CLMP: variants seen among roughly 807,000 people sequenced by gnomAD.
CLMP encodes the protein CXADR-like membrane protein.
CLMP carries 27 observed loss-of-function variants against 45.2 expected under a neutral mutation model. That is an observed-to-expected ratio of 0.60 (90% confidence interval 0.44 to 0.82). CLMP has a LOEUF of 0.82. CLMP is among the 40% of genes least tolerant of loss of function. The probability of loss-of-function intolerance (pLI) is 0.00; values close to 1 mark genes in which losing one functional copy is unlikely to be tolerated. For missense variants in CLMP, 403 were observed against 448.4 expected (o/e 0.90, Z 0.91); for synonymous variants, 167 against 171.4 (o/e 0.97, Z 0.20).
intron 1 of CLMP, among the ~76,000 whole-genome samples, chr11:123,118,956 TC>T (rs1860759163): frequency 3.1e-5 from 1 of 32,608 alleles, no homozygotes; most frequent in South Asian, 1.6e-3. Flanking sequence ...TTTCTTTCTT[TC>T]TTTCTTTCTT....
rs1865676013 is a variant in CLMP at position 123,071,877 on chromosome 11, TTTTC to T, written c.*1593_*1596del. The T allele has an allele frequency of 6.6e-6, 1 of 152,186 alleles. No individual in the cohort carries two copies. Among genetic ancestry groups the T allele is most frequent in the African/African-American group, 2.4e-5 (1 of 41,444 alleles). 9.4% of individuals were successfully genotyped at this position (152,186 alleles called of 1,614,324 possible). Reference sequence around the variant, plus strand: ...CAAGTTATTGTATTGCAGGCTGCTGTTTTCTTTATTTCTCAAACATCTTTCTTCT... The same window carrying T: ...CAAGTTATTGTATTGCAGGCTGCTGTTTTATTTCTCAAACATCTTTCTTCT... On this transcript the variant is annotated 3_prime_UTR_variant, in exon 7 of 7. Transcript: ENST00000448775.
chr11:123,137,302 C>T (rs1467100737), intron 1 of CLMP, among the ~76,000 whole-genome samples: 1 of 151,382 alleles, frequency 6.6e-6, no homozygotes, highest in Non-Finnish European at 1.5e-5. Flanking sequence ...TACAGGCACC[C>T]GCCACCACGC....
intron 1 of CLMP, among the ~76,000 whole-genome samples, chr11:123,150,523 G>GGAAGGAAGGAAA (rs1861315723): frequency 1.7e-5 from 2 of 120,968 alleles, no homozygotes; most frequent in Non-Finnish European, 1.7e-5. Flanking sequence ...AAGGAAGGAA[G>GGAAGGAAGGAAA]GAAGGAAAGA....
chr11:123,072,798 A>C lies in CLMP; in HGVS notation c.*676T>G, dbSNP rs894103985. 1.3e-5 allele frequency: 2 copies of C among 152,160 alleles called. No homozygotes were observed. The highest frequency in any genetic ancestry group is 6.5e-5 in the Admixed American group (1 of 15,272). The allele number at this position is 152,160 out of a possible 1,614,324, so 9.4% of individuals were successfully genotyped here. A position where few individuals can be genotyped will look rare whatever the true frequency, so the allele number is the denominator to read the frequency against. On this transcript the variant is annotated 3_prime_UTR_variant, in exon 7 of 7. Coordinates refer to ENST00000448775, the MANE Select transcript of CLMP (RefSeq NM_024769.5). ...TTGTCACAAATTTTTGTCTCCTTTC[A>C]TAGTTATTTTGGGCTCAATACAAAT... is the stretch of plus-strand genomic sequence containing the variant.
intron 1 of CLMP, among the ~76,000 whole-genome samples, chr11:123,138,706 T>C (rs550111632): frequency 7.0e-6 from 1 of 142,766 alleles, no homozygotes. Context: ...CAAGCTGGAG[T>C]GCGATGGCAC....
rs2135457577 is a variant in CLMP at position 123,071,447 on chromosome 11, A to G, written c.*2027T>C. ...AAGACTGCATCTCAAAAAAAAAAGT[A>G]TTCTGAGCCAGGTGCAGTGGCTTCC... On this transcript the variant is annotated 3_prime_UTR_variant, in exon 7 of 7. Coordinates refer to ENST00000448775, the MANE Select transcript of CLMP (RefSeq NM_024769.5). 1 of 151,932 alleles carries G rather than the reference A, an allele frequency of 6.6e-6. No homozygotes were observed. Among genetic ancestry groups the G allele is most frequent in the South Asian group, 2.1e-4 (1 of 4,788 alleles). The allele number at this position is 151,932 out of a possible 1,614,324, so 9.4% of individuals were successfully genotyped here.
intron 1 of CLMP, among the ~76,000 whole-genome samples, chr11:123,101,582 C>T (rs927211690): frequency 6.6e-6 from 1 of 152,212 alleles, no homozygotes; most frequent in African/African-American, 2.4e-5. Flanking sequence ...TGGGCTGAGA[C>T]TGCTGGGGAG....
At chr11:123,092,636 T>G (rs920804107) in intron 2 of CLMP, among the ~76,000 whole-genome samples, 19 of 150,418 alleles carry the variant, frequency 1.3e-4, no homozygotes, top group African/African-American at 4.7e-4. Flanking sequence ...CTCTCTCTTT[T>G]GCCCAGGCTG....
intron 1 of CLMP, among the ~76,000 whole-genome samples, chr11:123,122,643 C>T (rs990990409): frequency 1.8e-4 from 28 of 152,128 alleles, no homozygotes; most frequent in African/African-American, 6.5e-4. Flanking sequence ...TCCCGAGAAC[C>T]TTATCTGGGA....
intron 2 of CLMP, among the ~76,000 whole-genome samples, chr11:123,097,333 T>C (rs1866002458): frequency 6.6e-6 from 1 of 150,974 alleles, no homozygotes; most frequent in East Asian, 2.0e-4. Flanking sequence ...ATCTGGCTAA[T>C]TTTTCTTTCT....
At chr11:123,137,347 G>A (rs1861091556) in intron 1 of CLMP, among the ~76,000 whole-genome samples, 1 of 148,820 alleles carries the variant, frequency 6.7e-6, no homozygotes, top group African/African-American at 2.5e-5. Flanking sequence ...TAGAGACGGG[G>A]TAGACCTTTC....
intron 2 of CLMP, among the ~76,000 whole-genome samples, chr11:123,095,685 T>C (rs2135478929): frequency 6.6e-6 from 1 of 152,160 alleles, no homozygotes; most frequent in South Asian, 2.1e-4. Flanking sequence ...CAAGGGGAGT[T>C]TACAACCAAG....
chr11:123,189,936 G>A lies in CLMP; in HGVS notation c.28+4977C>T, dbSNP rs192459009. 5.7e-3 allele frequency among the ~76,000 whole-genome samples: 860 copies of A among 151,350 alleles called. 5 individuals carry two copies. Among genetic ancestry groups the A allele is most frequent in the Non-Finnish European group, 9.8e-3 (666 of 67,892 alleles). ...AGAATCGCTTGAACTCGGAAGGCAG[G>A]GGTTGCAGTGAGTGGAGACTGTGCC... On this transcript the variant is annotated intron_variant, in intron 1 of 6. Transcript: ENST00000448775.
intron 1 of CLMP, among the ~76,000 whole-genome samples, chr11:123,111,123 A>G (rs1260936983): frequency 6.6e-6 from 1 of 152,016 alleles, no homozygotes; most frequent in Non-Finnish European, 1.5e-5. Flanking sequence ...CGCTTACACA[A>G]TTTATACAAA....
intron 1 of CLMP, among the ~76,000 whole-genome samples, chr11:123,159,094 A>T (rs1314698671): frequency 1.3e-5 from 2 of 152,246 alleles, no homozygotes; most frequent in Admixed American, 1.3e-4. Flanking sequence ...AAAATGTGAG[A>T]AAAGCCAAAG....
chr11:123,150,480 AAAGGAAGGAAGGAAGGAAGGAAGGAAGG>A (rs71057397), intron 1 of CLMP, among the ~76,000 whole-genome samples: 4 of 40,962 alleles, frequency 9.8e-5, no homozygotes, highest in African/African-American at 4.5e-4. Context: ...AGAAAGAAAG[AAAGGAAGGAAGGAAGGAAGGAAGGAAGG>A]AAGGAAGGAA....
At position 123,132,534 on chromosome 11, in the gene CLMP, C is replaced by T. The variant is rs142891100; in HGVS notation, c.29-34582G>A. 4.5e-3 allele frequency among the ~76,000 whole-genome samples: 683 copies of T among 152,164 alleles called. 3 individuals are homozygous for T. Among genetic ancestry groups the T allele is most frequent in the African/African-American group, 0.015 (641 of 41,516 alleles). The stretch of plus-strand genomic sequence containing the variant: ...AGTGCAGTGGTGCAATCTTGGCTCA[C>T]GGCAACCTCCGCCTCTTGGGTTCAA... On this transcript the variant is annotated intron_variant, in intron 1 of 6. Coordinates refer to ENST00000448775, the MANE Select transcript of CLMP (RefSeq NM_024769.5).
rs760179693 is a variant in CLMP at position 123,097,891 on chromosome 11, CT to C, written c.89del (p.Lys30ArgfsTer34). 1.2e-6 allele frequency: 2 copies of C among 1,609,702 alleles called. No homozygotes were observed. Among genetic ancestry groups the C allele is most frequent in the Non-Finnish European group, 1.7e-6 (2 of 1,178,074 alleles). On this transcript the variant is annotated frameshift_variant, in exon 2 of 7. Transcript: ENST00000448775. LOFTEE classifies it high-confidence loss of function. ...HTEIKRVAEEKVTLPCHHQLG... is the reference protein window; with the variant it reads ...HTEIKRVAEEXVTLPCHHQLG... The stretch of plus-strand genomic sequence containing the variant: ...GTTGATGGTGGCAGGGCAAAGTGAC[CT>C]TTTCCTCTGCCACTCTCTTGATCTC...
At chr11:123,150,477 A>AAGAAAGAAAG (rs1565397417) in intron 1 of CLMP, among the ~76,000 whole-genome samples, 2 of 105,622 alleles carry the variant, frequency 1.9e-5, no homozygotes, top group Non-Finnish European at 4.2e-5. Flanking sequence ...GAAAGAAAGA[A>AAGAAAGAAAG]AGAAAGGAAG....
Sources: allele counts gnomAD v4.1 joint callset (sites outside exome capture counted in the v4.1 genomes callset), GRCh38; gene constraint gnomAD v4.1.1; transcripts MANE v1.5; gene names NCBI Gene and HGNC (gene_info 2026-07-23, HGNC 2026-07-21).